Variants in ZNF248 observed in about 807,000 individuals in gnomAD.
ZNF248 encodes the protein zinc finger protein 248.
A neutral mutation model predicts 44.3 loss-of-function variants in ZNF248; 20 were observed. The observed-to-expected ratio is 0.45, with a 90% CI of 0.32 to 0.66. The LOEUF (loss-of-function observed/expected upper bound fraction) is 0.66, where lower values mean the gene tolerates loss of function less well. ZNF248 is among the 30% of genes least tolerant of loss of function. ZNF248 has a pLI of 0.04. For synonymous variants in ZNF248, 224 were observed against 229.0 expected (o/e 0.98, Z 0.20); for missense variants, 654 against 677.0 (o/e 0.97, Z 0.38).
chr10:37,778,326 A>C (rs1302817384), intron 6 of ZNF248, among the ~76,000 whole-genome samples: 2 of 152,092 alleles, frequency 1.3e-5, no homozygotes, highest in Non-Finnish European at 2.9e-5. Flanking sequence ...TGGCTGCATA[A>C]ATGTCTTCTT....
At chr10:37,849,376 A>T (rs972203935) in intron 3 of ZNF248, among the ~76,000 whole-genome samples, 13 of 152,262 alleles carry the variant, frequency 8.5e-5, no homozygotes, top group African/African-American at 2.4e-4. Flanking sequence ...ATGGTGAAAA[A>T]TTTTTTAAAT....
chr10:37,804,190 C>T (rs1402027666), intron 6 of ZNF248, among the ~76,000 whole-genome samples: 4 of 144,512 alleles, frequency 2.8e-5, no homozygotes, highest in South Asian at 4.4e-4. Context: ...CTGTCGCCTT[C>T]GCCTCCCCGG....
intron 6 of ZNF248, among the ~76,000 whole-genome samples, chr10:37,808,751 A>C (rs947533144): frequency 6.6e-6 from 1 of 152,150 alleles, no homozygotes; most frequent in African/African-American, 2.4e-5. Context: ...CAAATTTGGA[A>C]GTGTTCCCTT....
At chr10:37,834,416 C>T (rs142401474) in intron 5 of ZNF248, among the ~76,000 whole-genome samples, 23 of 152,084 alleles carry the variant, frequency 1.5e-4, no homozygotes, top group African/African-American at 2.7e-4. Flanking sequence ...CTATAATACA[C>T]GAAGACAAAA....
chr10:37,784,183 G>A (rs771368638), intron 6 of ZNF248: 9 of 152,280 alleles, frequency 5.9e-5, no homozygotes, highest in African/African-American at 1.9e-4. Flanking sequence ...TAGAACTTTG[G>A]AATGTTTAGA....
At chr10:37,819,392 T>A (rs1418292548) in intron 6 of ZNF248, 1 of 1,438,808 alleles carries the variant, frequency 7.0e-7, no homozygotes, top group Non-Finnish European at 9.8e-7. Context: ...CCTACATGCA[T>A]GCTTGTGGTA....
intron 3 of ZNF248, among the ~76,000 whole-genome samples, chr10:37,846,692 G>A (rs1383927793): frequency 1.3e-5 from 2 of 152,016 alleles, no homozygotes; most frequent in Non-Finnish European, 2.9e-5. Flanking sequence ...GATGTTATGT[G>A]GCCCTGATGG....
downstream of ZNF248, among the ~76,000 whole-genome samples, chr10:37,772,641 G>C (rs1054182148): frequency 1.3e-5 from 2 of 152,176 alleles, no homozygotes; most frequent in African/African-American, 4.8e-5. Context: ...CTATGAGACA[G>C]GTCACAGTGG....
At position 37,830,644 on chromosome 10, in the gene ZNF248, C is replaced by A; in HGVS notation, c.*971G>T. The A allele has an allele frequency of 1.0e-6, 1 of 978,606 alleles. No individual in the cohort carries two copies. The highest frequency in any genetic ancestry group is 1.2e-6 in the Non-Finnish European group (1 of 823,800). 60.6% of individuals were successfully genotyped at this position (978,606 alleles called of 1,614,324 possible). On this transcript the variant is annotated 3_prime_UTR_variant, in exon 6 of 6. Transcript: ENST00000395867. ...TGCTGTAAATATTTGACAGCAGGTT[C>A]TCTGAGAAAATTAAAACCCTGATTT...
intron 5 of ZNF248, among the ~76,000 whole-genome samples, chr10:37,836,859 T>C (rs561089391): frequency 4.6e-5 from 7 of 152,182 alleles, no homozygotes; most frequent in Non-Finnish European, 7.4e-5. Context: ...GGGACATTAT[T>C]CTGTTAATTA....
intron 3 of ZNF248, among the ~76,000 whole-genome samples, chr10:37,845,797 G>C (rs929752723): frequency 2.0e-5 from 3 of 152,140 alleles, no homozygotes; most frequent in Non-Finnish European, 4.4e-5. Context: ...ACAATGAATA[G>C]TTTGTATTTC....
intron 6 of ZNF248, chr10:37,820,329 C>T: frequency 1.4e-6 from 2 of 1,395,828 alleles, no homozygotes; most frequent in Non-Finnish European, 2.0e-6. Context: ...AGAAGTGAAG[C>T]ACAGGCCAGC....
chr10:37,795,622 C>A (rs1357053324), intron 6 of ZNF248: 1 of 152,158 alleles, frequency 6.6e-6, no homozygotes, highest in Admixed American at 6.6e-5. Context: ...GACTGATATC[C>A]TTTCCATTTT....
chr10:37,824,154 G>A (rs181869555), downstream of ZNF248, among the ~76,000 whole-genome samples: 18 of 152,242 alleles, frequency 1.2e-4, no homozygotes, highest in African/African-American at 3.6e-4. Flanking sequence ...GAAGGCTCAA[G>A]ACCCAGGAAA....
intron 3 of ZNF248, among the ~76,000 whole-genome samples, chr10:37,839,818 C>T (rs753426966): frequency 9.9e-5 from 15 of 152,134 alleles, no homozygotes; most frequent in Non-Finnish European, 1.8e-4. Flanking sequence ...TATCAACCAA[C>T]CTGATCTAAG....
chr10:37,800,900 T>C (rs1178601095), intron 6 of ZNF248, among the ~76,000 whole-genome samples: 2 of 151,952 alleles, frequency 1.3e-5, no homozygotes, highest in Non-Finnish European at 2.9e-5. Flanking sequence ...TAGCTGGGAT[T>C]ACAGGCATCT....
chr10:37,817,379 A>ATTT (rs750059446), intron 6 of ZNF248, among the ~76,000 whole-genome samples: 20,030 of 151,966 alleles, frequency 0.13, 1,385 homozygotes, highest in Admixed American at 0.2. Context: ...TATTTTTAAA[A>ATTT]AAAAAATAGC....
intron 3 of ZNF248, among the ~76,000 whole-genome samples, chr10:37,845,864 C>G (rs767081829): frequency 2.0e-5 from 3 of 152,036 alleles, no homozygotes; most frequent in African/African-American, 7.3e-5. Context: ...AAAAGAGTAC[C>G]ACAACACACC....
intron 3 of ZNF248, among the ~76,000 whole-genome samples, chr10:37,843,695 G>A (rs972135535): frequency 6.6e-6 from 1 of 152,120 alleles, no homozygotes; most frequent in Admixed American, 6.5e-5. Flanking sequence ...GGCCAACAAT[G>A]TCTGAACTGA....
Sources: gnomAD v4.1 joint callset for allele counts (sites outside exome capture counted in the v4.1 genomes callset) on GRCh38, gnomAD v4.1.1 for gene constraint, MANE v1.5 for transcripts, NCBI Gene and HGNC (gene_info 2026-07-23, HGNC 2026-07-21) for gene names.